The following PTPRD variants were observed in gnomAD, a reference collection of about 807,000 sequenced individuals.
PTPRD encodes protein tyrosine phosphatase receptor type D, also known as receptor-type tyrosine-protein phosphatase delta.
In PTPRD, 34 loss-of-function variants were observed where a neutral mutation model predicts 214.5. That is an observed-to-expected ratio of 0.16 (90% CI 0.12 to 0.21). The LOEUF (loss-of-function observed/expected upper bound fraction) is 0.21. PTPRD is among the 10% of genes least tolerant of loss of function. The pLI is 1.00. For missense variants in PTPRD, 2,545 were observed against 2,398.7 expected (o/e 1.06, Z -1.27); for synonymous variants, 1,128 against 845.7 (o/e 1.33, Z -5.79).
chr9:8,870,211 A>T (rs1345271941), intron 11 of PTPRD, among the ~76,000 whole-genome samples: 1 of 152,076 alleles, frequency 6.6e-6, no homozygotes, highest in Non-Finnish European at 1.5e-5. Flanking sequence ...AGAACAGCAT[A>T]ATAGCTACTT....
intron 5 of PTPRD, among the ~76,000 whole-genome samples, chr9:9,772,458 C>T (rs978480791): frequency 7.9e-5 from 12 of 152,070 alleles, no homozygotes; most frequent in Non-Finnish European, 1.6e-4. Flanking sequence ...CCTTAGTGTT[C>T]TTGCATTTTA....
intron 9 of PTPRD, among the ~76,000 whole-genome samples, chr9:9,213,698 A>G (rs1240348548): frequency 6.6e-6 from 1 of 152,206 alleles, no homozygotes; most frequent in Non-Finnish European, 1.5e-5. Flanking sequence ...CTGAATAATA[A>G]GTTCACATTC....
intron 7 of PTPRD, among the ~76,000 whole-genome samples, chr9:9,628,585 A>G (rs937122161): frequency 3.9e-5 from 6 of 152,182 alleles, no homozygotes; most frequent in Non-Finnish European, 8.8e-5. Flanking sequence ...TTCCAAAGAT[A>G]TTTCAGATTA....
intron 3 of PTPRD, among the ~76,000 whole-genome samples, chr9:10,307,441 T>C (rs905129027): frequency 1.3e-4 from 20 of 152,102 alleles, no homozygotes; most frequent in African/African-American, 4.8e-4. Flanking sequence ...TTCCATCATG[T>C]TTTCTTTATC....
chr9:9,895,369 C>A (rs2074655564), intron 5 of PTPRD, among the ~76,000 whole-genome samples: 1 of 151,406 alleles, frequency 6.6e-6, no homozygotes, highest in African/African-American at 2.4e-5. Context: ...GGAGATAAGC[C>A]ATGTATATAC....
At chr9:10,193,471 G>C (rs1593723570) in intron 3 of PTPRD, among the ~76,000 whole-genome samples, 3 of 152,064 alleles carry the variant, frequency 2.0e-5, no homozygotes, top group Non-Finnish European at 4.4e-5. Flanking sequence ...ACTAGCATGG[G>C]AACAGAGTAA....
intron 2 of PTPRD, among the ~76,000 whole-genome samples, chr9:10,557,324 A>G (rs1051787853): frequency 2.0e-5 from 3 of 152,152 alleles, no homozygotes; most frequent in Non-Finnish European, 2.9e-5. Flanking sequence ...ATAACACAGT[A>G]TTGTCAAAAG....
chr9:10,168,571 T>C (rs145059348), intron 3 of PTPRD, among the ~76,000 whole-genome samples: 1 of 152,318 alleles, frequency 6.6e-6, no homozygotes, highest in African/African-American at 2.4e-5. Context: ...CTTCTCTTTC[T>C]CTGAAAATAC....
chr9:9,796,240 C>T (rs1163096572), intron 5 of PTPRD, among the ~76,000 whole-genome samples: 1 of 151,996 alleles, frequency 6.6e-6, no homozygotes, highest in African/African-American at 2.4e-5. Context: ...ATCTGAGAAA[C>T]GTTTTGAAGA....
At chr9:8,420,089 A>G (rs1250642345) in intron 35 of PTPRD, among the ~76,000 whole-genome samples, 1 of 152,132 alleles carries the variant, frequency 6.6e-6, no homozygotes, top group East Asian at 1.9e-4. Context: ...CCCATTAACC[A>G]TGGAGTAAAA....
At chr9:10,263,609 T>C (rs1332671178) in intron 3 of PTPRD, among the ~76,000 whole-genome samples, 1 of 152,176 alleles carries the variant, frequency 6.6e-6, no homozygotes, top group Non-Finnish European at 1.5e-5. Flanking sequence ...AAGAAATTTC[T>C]AGGCAACAAA....
chr9:9,431,982 C>G (rs987088701), intron 8 of PTPRD, among the ~76,000 whole-genome samples: 1 of 150,786 alleles, frequency 6.6e-6, no homozygotes, highest in Admixed American at 6.6e-5. Flanking sequence ...CAGCACACCA[C>G]CATGGCACAT....
At chr9:8,338,785 A>AT in intron 43 of PTPRD, 137 bp downstream of exon 43, 1 of 771,986 alleles carries the variant, frequency 1.3e-6, no homozygotes, top group Non-Finnish European at 1.9e-6. Flanking sequence ...ACATAAAAAA[A>AT]AACGTTCTCC....
intron 12 of PTPRD, among the ~76,000 whole-genome samples, chr9:8,675,442 C>G (rs940500434): frequency 6.6e-6 from 1 of 150,750 alleles, no homozygotes; most frequent in Non-Finnish European, 1.5e-5. Context: ...ACTCCTCCCC[C>G]TCCTAAATCT....
intron 7 of PTPRD, among the ~76,000 whole-genome samples, chr9:9,695,605 T>C (rs182569493): frequency 6.6e-6 from 1 of 152,320 alleles, no homozygotes; most frequent in Admixed American, 6.5e-5. Flanking sequence ...AGAGTTTTTA[T>C]TACAAGTTGG....
chr9:9,374,169 A>T (rs981242676), intron 9 of PTPRD, among the ~76,000 whole-genome samples: 1 of 152,102 alleles, frequency 6.6e-6, no homozygotes. Context: ...GACAGATTTT[A>T]TGTAAAGTAT....
At chr9:9,987,939 G>A (rs2154075076) in intron 4 of PTPRD, among the ~76,000 whole-genome samples, 1 of 152,150 alleles carries the variant, frequency 6.6e-6, no homozygotes, top group African/African-American at 2.4e-5. Context: ...GGCAGGTTTA[G>A]GGTAATATTA....
chr9:9,981,273 A>G (rs2095533999), intron 4 of PTPRD, among the ~76,000 whole-genome samples: 1 of 152,186 alleles, frequency 6.6e-6, no homozygotes, highest in Admixed American at 6.5e-5. Context: ...CGCAGTTTTA[A>G]CTTTAAAATT....
intron 2 of PTPRD, among the ~76,000 whole-genome samples, chr9:10,503,155 G>A (rs1183845500): frequency 8.8e-6 from 1 of 113,226 alleles, no homozygotes; most frequent in Non-Finnish European, 1.7e-5. Flanking sequence ...TATCTGGAGA[G>A]TGAACAGTGA....
Sources: gnomAD v4.1 joint callset for allele counts (sites outside exome capture counted in the v4.1 genomes callset) on GRCh38, gnomAD v4.1.1 for gene constraint, MANE v1.5 for transcripts, NCBI Gene and HGNC (gene_info 2026-07-23, HGNC 2026-07-21) for gene names.